Variants in GSAP observed in about 807,000 individuals in gnomAD.
GSAP encodes gamma-secretase-activating protein.
Under a neutral mutation model 131.7 loss-of-function variants are expected in GSAP, and 118 were observed. That is an observed-to-expected ratio of 0.90 (90% confidence interval 0.77 to 1.04). GSAP has a LOEUF of 1.04. Among genes scored for constraint, GSAP ranks in the 50% least tolerant of loss-of-function variants. The pLI is 0.00. For missense variants in GSAP, 1,019 were observed against 1,013.2 expected, an observed-to-expected ratio of 1.01 and a Z score of -0.08; for synonymous variants, 381 against 363.4, an observed-to-expected ratio of 1.05 and a Z score of -0.55.
At chr7:77,350,984 A>G in intron 18 of GSAP, 1 of 328,694 alleles carries the variant, frequency 3.0e-6, no homozygotes, top group Non-Finnish European at 4.4e-6. Flanking sequence ...TCCTTAAAAA[A>G]AAGTAGATAA....
intron 12 of GSAP, among the ~76,000 whole-genome samples, chr7:77,364,074 T>C (rs1288323854): frequency 6.6e-6 from 1 of 152,152 alleles, no homozygotes; most frequent in Non-Finnish European, 1.5e-5. Context: ...TCTCTAGTAA[T>C]AAATAAAAAT....
chr7:77,401,389 C>CA (rs999240943), intron 3 of GSAP, among the ~76,000 whole-genome samples: 1 of 151,758 alleles, frequency 6.6e-6, no homozygotes, highest in Admixed American at 6.6e-5. Flanking sequence ...GAGAAAAATT[C>CA]AAAAGACAGC....
intron 1 of GSAP, among the ~76,000 whole-genome samples, chr7:77,411,131 G>T (rs540938149): frequency 1.6e-3 from 226 of 138,636 alleles, no homozygotes; most frequent in African/African-American, 5.4e-3. Context: ...TGAAAACAAT[G>T]TGATTAAGGT....
intron 13 of GSAP, among the ~76,000 whole-genome samples, chr7:77,361,792 C>T (rs1415024553): frequency 1.3e-5 from 2 of 152,106 alleles, no homozygotes; most frequent in Non-Finnish European, 2.9e-5. Context: ...ACTACAGAAC[C>T]AGGAGAAATT....
intron 26 of GSAP, among the ~76,000 whole-genome samples, chr7:77,318,953 T>C (rs909228776): frequency 6.7e-6 from 1 of 150,300 alleles, no homozygotes; most frequent in African/African-American, 2.4e-5. Context: ...CATTAGGAGA[T>C]GTACCTAATG....
Position 77,382,564 on chromosome 7 carries a change from ATACACT to A in GSAP, c.526+4_526+9del, listed in dbSNP as rs1275338596. 2 of 1,424,874 alleles carry A rather than the reference ATACACT, an allele frequency of 1.4e-6. No homozygotes were observed. Among genetic ancestry groups the A allele is most frequent in the East Asian group, 2.3e-5 (1 of 44,036 alleles). The allele number at this position is 1,424,874 out of a possible 1,614,324, so 88.3% of individuals were successfully genotyped here. A position where few individuals can be genotyped will look rare whatever the true frequency, so the allele number is the denominator to read the frequency against. On this transcript the variant is annotated splice_donor_5th_base_variant and intron_variant, in intron 7 of 30. Coordinates refer to ENST00000257626, the MANE Select transcript of GSAP (RefSeq NM_017439.4). ...TGAAATTCCCATATTCCACCTAAAGATACACTTACATTTCTCTTCTGAAATCAGTAA... is the reference window on the plus strand; with the variant it reads ...TGAAATTCCCATATTCCACCTAAAGATACATTTCTCTTCTGAAATCAGTAA...
intron 12 of GSAP, among the ~76,000 whole-genome samples, chr7:77,364,652 C>T (rs922681374): frequency 1.1e-4 from 17 of 152,074 alleles, no homozygotes; most frequent in Non-Finnish European, 2.2e-4. Flanking sequence ...TGCACATGTA[C>T]CCTAAAACTT....
At chr7:77,374,446 T>C (rs1199594061) in intron 11 of GSAP, among the ~76,000 whole-genome samples, 1 of 152,188 alleles carries the variant, frequency 6.6e-6, no homozygotes, top group African/African-American at 2.4e-5. Context: ...CACAGCTAAA[T>C]GTTCATATAT....
At chr7:77,311,992 T>A (rs1456909190) in intron 29 of GSAP, 52 bp from the exon 30 acceptor site, 1 of 1,263,380 alleles carries the variant, frequency 7.9e-7, no homozygotes, top group African/African-American at 1.5e-5. Flanking sequence ...ATAAGCACAA[T>A]TTTAAAATAA....
At chr7:77,325,553 CTGTTGTTTTTA>C (rs576535491) in intron 23 of GSAP, among the ~76,000 whole-genome samples, 34 of 152,028 alleles carry the variant, frequency 2.2e-4, no homozygotes, top group Non-Finnish European at 4.6e-4. Context: ...GTACTTTGTT[CTGTTGTTTTTA>C]TGTTGTTGTT....
intron 18 of GSAP, among the ~76,000 whole-genome samples, chr7:77,352,091 C>A (rs1792958311): frequency 1.3e-5 from 2 of 152,158 alleles, no homozygotes. Flanking sequence ...TGCCACTGTG[C>A]ATACCAAAAA....
intron 19 of GSAP, among the ~76,000 whole-genome samples, chr7:77,343,906 T>A (rs1156309193): frequency 6.6e-6 from 1 of 152,182 alleles, no homozygotes; most frequent in Non-Finnish European, 1.5e-5. Context: ...AAATCACTTC[T>A]CAGTGTTCCA....
Position 77,321,364 on chromosome 7 carries a change from T to C in GSAP, c.1963A>G (p.Lys655Glu). 2 of 1,606,838 alleles carry C rather than the reference T, an allele frequency of 1.2e-6. No homozygotes were observed. Among genetic ancestry groups the C allele is most frequent in the South Asian group, 2.2e-5 (2 of 90,936 alleles). ...ICHIVETNWRKHNLHSWVLHF... is the reference protein window; with the variant it reads ...ICHIVETNWREHNLHSWVLHF... ...AGAACCCAGGAATGAAGATTATGTT[T>C]CCTCCAATTGGTTTCTACGATGTGG... Residue 655 changes from lysine to glutamate, a missense_variant, in exon 25 of 31, where the codon AAA (lysine) becomes GAA (glutamate). Coordinates refer to ENST00000257626, the MANE Select transcript of GSAP (RefSeq NM_017439.4).
Position 77,353,565 on chromosome 7 carries a change from C to T in GSAP, c.1408+7G>A. ...TCAACTTAAGCTGCAACATCAGCAACACTTACCAATTATAAATTCCTGAAT... is the reference window on the plus strand; with the variant it reads ...TCAACTTAAGCTGCAACATCAGCAATACTTACCAATTATAAATTCCTGAAT... On this transcript the variant is annotated splice_region_variant and intron_variant, in intron 17 of 30. Transcript: ENST00000257626. 1 of 1,594,110 alleles carries T rather than the reference C, an allele frequency of 6.3e-7. No homozygotes were observed. The highest frequency in any genetic ancestry group is 8.6e-7 in the Non-Finnish European group (1 of 1,162,950).
At chr7:77,414,927 G>T (rs867646748) in intron 1 of GSAP, among the ~76,000 whole-genome samples, 22 of 129,846 alleles carry the variant, frequency 1.7e-4, no homozygotes, top group African/African-American at 5.3e-4. Context: ...GCGAGATCTC[G>T]GCTCACTGCA....
At chr7:77,337,308 G>A (rs1315859995) in intron 19 of GSAP, among the ~76,000 whole-genome samples, 1 of 150,196 alleles carries the variant, frequency 6.7e-6, no homozygotes, top group Non-Finnish European at 1.5e-5. Context: ...GGGTGGGGGG[G>A]GGGTTACAGG....
At chr7:77,323,576 C>A (rs1382649984) in intron 24 of GSAP, 71 bp downstream of exon 24, 1 of 702,120 alleles carries the variant, frequency 1.4e-6, no homozygotes, top group Non-Finnish European at 2.4e-6. Context: ...GGGTTCCCTG[C>A]ACCACATTTT....
chr7:77,368,329 C>T (rs1202126156), intron 12 of GSAP, among the ~76,000 whole-genome samples: 1 of 152,126 alleles, frequency 6.6e-6, no homozygotes, highest in Non-Finnish European at 1.5e-5. Flanking sequence ...CTTACGCTTC[C>T]CTGTGAGAGT....
intron 24 of GSAP, among the ~76,000 whole-genome samples, chr7:77,323,282 A>T (rs1415975650): frequency 6.6e-6 from 1 of 152,240 alleles, no homozygotes; most frequent in Non-Finnish European, 1.5e-5. Context: ...TAAGATTTGA[A>T]GTTCAAGTTC....
Sources: allele counts gnomAD v4.1 joint callset (sites outside exome capture counted in the v4.1 genomes callset), GRCh38; gene constraint gnomAD v4.1.1; transcripts MANE v1.5; gene names NCBI Gene and HGNC (gene_info 2026-07-23, HGNC 2026-07-21).